The following CTNNA3 variants were observed in gnomAD, a reference collection of about 807,000 sequenced individuals.
CTNNA3 encodes the protein catenin alpha 3.
CTNNA3 carries 76 observed loss-of-function variants against 95.7 expected under a neutral mutation model. The ratio of observed to expected loss-of-function variants is 0.79; its 90% CI spans 0.66 to 0.96. The LOEUF is 0.96. Among genes scored for constraint, CTNNA3 ranks in the 40% least tolerant of loss-of-function variants. The probability of loss-of-function intolerance (pLI) is 0.00; values close to 1 mark genes in which losing one functional copy is unlikely to be tolerated. For missense variants in CTNNA3, 1,191 were observed against 1,089.8 expected, an observed-to-expected ratio of 1.09 and a Z score of -1.31; for synonymous variants, 431 against 374.4, an observed-to-expected ratio of 1.15 and a Z score of -1.74.
At chr10:66,711,702 C>G (rs1337138874) in intron 9 of CTNNA3, among the ~76,000 whole-genome samples, 1 of 151,962 alleles carries the variant, frequency 6.6e-6, no homozygotes, top group African/African-American at 2.4e-5. Flanking sequence ...GCGTGTGCCA[C>G]CACACTTGGC....
intron 7 of CTNNA3, among the ~76,000 whole-genome samples, chr10:67,165,800 C>T (rs2132100784): frequency 6.6e-6 from 1 of 152,146 alleles, no homozygotes; most frequent in South Asian, 2.1e-4. Flanking sequence ...TTTATTTTTA[C>T]AAGTGTTAGG....
intron 1 of CTNNA3, among the ~76,000 whole-genome samples, chr10:67,687,377 C>T (rs1840753934): frequency 6.6e-6 from 1 of 152,128 alleles, no homozygotes; most frequent in Admixed American, 6.5e-5. Flanking sequence ...GAGGGAGCAG[C>T]TTATTTCTAG....
chr10:67,337,778 C>G (rs1014850231), intron 5 of CTNNA3, among the ~76,000 whole-genome samples: 1 of 152,088 alleles, frequency 6.6e-6, no homozygotes, highest in Non-Finnish European at 1.5e-5. Context: ...AGATCATGAT[C>G]CACTGAAGGC....
chr10:67,497,885 C>T (rs1294948243), intron 5 of CTNNA3, among the ~76,000 whole-genome samples: 1 of 152,144 alleles, frequency 6.6e-6, no homozygotes, highest in Non-Finnish European at 1.5e-5. Context: ...CAGTGGGTTG[C>T]CTGTTCACTC....
At chr10:65,922,178 G>A (rs2077097942) in intron 17 of CTNNA3, among the ~76,000 whole-genome samples, 1 of 152,056 alleles carries the variant, frequency 6.6e-6, no homozygotes, top group African/African-American at 2.4e-5. Context: ...TCCAATATGT[G>A]ATTATTTTTC....
At chr10:67,409,309 A>C (rs1168930436) in intron 5 of CTNNA3, among the ~76,000 whole-genome samples, 1 of 152,192 alleles carries the variant, frequency 6.6e-6, no homozygotes, top group Non-Finnish European at 1.5e-5. Flanking sequence ...GGCACTATTC[A>C]TAATAGCAAA....
In CTNNA3 at chr10:65,914,769, C is replaced by T. The variant is rs770852564; in HGVS notation, c.*5561G>A. On this transcript the variant is annotated 3_prime_UTR_variant, in exon 18 of 18. Coordinates refer to ENST00000433211, the MANE Select transcript of CTNNA3 (RefSeq NM_013266.4). ...CTCCATGGTAATAAAAGTAATTTGG[C>T]AAAGGTTGTCCTCTTATTTCAGATC... 6.6e-6 allele frequency: 1 copy of T among 152,110 alleles called. No individual in the cohort carries two copies. Among genetic ancestry groups the T allele is most frequent in the Non-Finnish European group, 1.5e-5 (1 of 68,018 alleles). 9.4% of individuals were successfully genotyped at this position (152,110 alleles called of 1,614,324 possible). A position where few individuals can be genotyped will look rare whatever the true frequency, so the allele number is the denominator to read the frequency against.
chr10:67,522,435 A>C (rs1237613098), intron 4 of CTNNA3, among the ~76,000 whole-genome samples: 1 of 152,176 alleles, frequency 6.6e-6, no homozygotes, highest in Non-Finnish European at 1.5e-5. Flanking sequence ...CCTCTATAAT[A>C]ATATCTATGC....
At chr10:66,671,640 G>C (rs1334909584) in intron 9 of CTNNA3, among the ~76,000 whole-genome samples, 1 of 152,136 alleles carries the variant, frequency 6.6e-6, no homozygotes, top group Non-Finnish European at 1.5e-5. Flanking sequence ...CTCCACATGA[G>C]TGGCAACATG....
intron 7 of CTNNA3, among the ~76,000 whole-genome samples, chr10:67,079,314 A>T (rs1174860390): frequency 6.6e-6 from 1 of 152,218 alleles, no homozygotes; most frequent in Admixed American, 6.5e-5. Flanking sequence ...CATGTAAGCC[A>T]TGGCTTGGCT....
chr10:65,940,340 TA>T (rs1783503749), intron 17 of CTNNA3, among the ~76,000 whole-genome samples: 3 of 152,216 alleles, frequency 2.0e-5, no homozygotes, highest in South Asian at 4.1e-4. Flanking sequence ...CAGATTAGTT[TA>T]AAACATTGTT....
intron 7 of CTNNA3, among the ~76,000 whole-genome samples, chr10:67,049,247 T>C (rs1854942323): frequency 6.6e-6 from 1 of 152,134 alleles, no homozygotes; most frequent in Admixed American, 6.5e-5. Context: ...ATTGATCATG[T>C]AGACCGTGCC....
At position 66,371,062 on chromosome 10, in the gene CTNNA3, C is replaced by G. The variant is rs57414918; in HGVS notation, c.1732+8090G>C. ...TAGAAAACACTAGTCTATGCTGTTA[C>G]AAAGAATGTCTCATACTTAGTAATC... On this transcript the variant is annotated intron_variant, in intron 12 of 17. Transcript: ENST00000433211. Among the ~76,000 whole-genome samples, 5 of 152,150 alleles carry G rather than the reference C, an allele frequency of 3.3e-5. No homozygotes were observed. The South Asian group carries it at 6.2e-4, about 19-fold the overall frequency.
At chr10:66,512,553 C>G (rs995177003) in intron 11 of CTNNA3, among the ~76,000 whole-genome samples, 1 of 151,890 alleles carries the variant, frequency 6.6e-6, no homozygotes, top group South Asian at 2.1e-4. Flanking sequence ...GAATTGTATA[C>G]TTTCATGTTT....
chr10:67,713,357 A>G (rs1300478038), intron 1 of CTNNA3, among the ~76,000 whole-genome samples: 2 of 152,238 alleles, frequency 1.3e-5, no homozygotes, highest in African/African-American at 4.8e-5. Context: ...TTGTTCAACC[A>G]TTGTGGAAGA....
At chr10:66,355,271 T>C (rs1352342859) in intron 12 of CTNNA3, among the ~76,000 whole-genome samples, 2 of 152,134 alleles carry the variant, frequency 1.3e-5, no homozygotes, top group African/African-American at 2.4e-5. Flanking sequence ...CATTTTATTG[T>C]AGGAAGTCAC....
intron 15 of CTNNA3, among the ~76,000 whole-genome samples, chr10:66,052,228 T>C (rs2079973449): frequency 6.6e-6 from 1 of 152,164 alleles, no homozygotes; most frequent in Admixed American, 6.5e-5. Context: ...CTAATATTTG[T>C]ATAGTTGCAC....
chr10:67,084,772 C>T lies in CTNNA3; in HGVS notation c.1047+95545G>A, dbSNP rs199821985. 1.7e-4 allele frequency among the ~76,000 whole-genome samples: 26 copies of T among 151,934 alleles called. No homozygotes were observed. In the East Asian group the frequency reaches 2.7e-3, roughly 16 times the overall value. On this transcript the variant is annotated intron_variant, in intron 7 of 17. Coordinates refer to ENST00000433211, the MANE Select transcript of CTNNA3 (RefSeq NM_013266.4). ...AGCTTTTTCATAGAGAAGGCTGTAT[C>T]GCATAAAAAATCTGCCTAGACTACG... is the stretch of plus-strand genomic sequence containing the variant.
At position 65,916,285 on chromosome 10, in the gene CTNNA3, C is replaced by T. The variant is rs1027083988; in HGVS notation, c.*4045G>A. On this transcript the variant is annotated 3_prime_UTR_variant, in exon 18 of 18. Coordinates refer to ENST00000433211, the MANE Select transcript of CTNNA3 (RefSeq NM_013266.4). ...AAACAGAAAAAATGAATATTTGATT[C>T]CTAAATATACAATAGGCAGGCTGTC... is the stretch of plus-strand genomic sequence containing the variant. The T allele has an allele frequency of 2.0e-5, 3 of 151,766 alleles. No homozygotes were observed. Among genetic ancestry groups the T allele is most frequent in the African/African-American group, 7.3e-5 (3 of 41,310 alleles). 9.4% of individuals were successfully genotyped at this position (151,766 alleles called of 1,614,324 possible).
Sources: allele counts gnomAD v4.1 joint callset (sites outside exome capture counted in the v4.1 genomes callset), GRCh38; gene constraint gnomAD v4.1.1; transcripts MANE v1.5; gene names NCBI Gene and HGNC (gene_info 2026-07-23, HGNC 2026-07-21).